Variants in SRPRB observed in about 807,000 individuals in gnomAD.
SRPRB encodes SRP receptor subunit beta.
Under a neutral mutation model 31.9 loss-of-function variants are expected in SRPRB, and 20 were observed. The observed-to-expected ratio is 0.63, with a 90% CI of 0.44 to 0.91. SRPRB has a LOEUF of 0.91. Ranked by LOEUF, SRPRB falls within the 40% of genes least tolerant of loss-of-function variation. The pLI is 0.00. For synonymous variants in SRPRB, 146 were observed against 132.8 expected (o/e 1.10, Z -0.68); for missense variants, 321 against 324.9 (o/e 0.99, Z 0.09).
rs537038629 is a variant in SRPRB at position 133,807,348 on chromosome 3, G to C, written c.250-398G>C. On this transcript the variant is annotated intron_variant, in intron 2 of 6. Coordinates refer to ENST00000678299, the MANE Select transcript of SRPRB (RefSeq NM_001379313.1). The stretch of plus-strand genomic sequence containing the variant: ...TGCTCATTGCAGCCTTGACCTCTGG[G>C]ACTCAGATGATTCTCCCACCTCAGC... Among the ~76,000 whole-genome samples the C allele has an allele frequency of 4.7e-5, 7 of 150,420 alleles. No individual in the cohort carries two copies. In the South Asian group the frequency reaches 1.5e-3, roughly 32 times the overall value.
At chr3:133,802,402 C>T (rs996609632), upstream of SRPRB, among the ~76,000 whole-genome samples, 3 of 151,782 alleles carry the variant, frequency 2.0e-5, no homozygotes, top group African/African-American at 7.3e-5. Context: ...TGAGACCCTG[C>T]CTGAAAAAAA....
rs754644006 is a variant in SRPRB, at chr3:133,807,870, T to C, written c.327+47T>C. 8.2e-6 allele frequency: 12 copies of C among 1,456,958 alleles called. No individual in the cohort carries two copies. In the African/African-American group the frequency reaches 1.7e-4, roughly 21 times the overall value. 90.3% of individuals were successfully genotyped at this position (1,456,958 alleles called of 1,614,324 possible). On this transcript the variant is annotated intron_variant, in intron 3 of 6. Coordinates refer to ENST00000678299, the MANE Select transcript of SRPRB (RefSeq NM_001379313.1). ...GGAGTCTGACAGTCTTACTTTACTG[T>C]GGTGTGTCAGTTAAGGACATTTTTA...
At chr3:133,809,815 T>C (rs906265006) in intron 3 of SRPRB, among the ~76,000 whole-genome samples, 6 of 152,206 alleles carry the variant, frequency 3.9e-5, no homozygotes, top group African/African-American at 1.4e-4. Context: ...TAAAAGATAA[T>C]ATTTTGGATA....
At chr3:133,807,855 A>C (rs201760908) in intron 3 of SRPRB, 32 bp downstream of exon 3, 1 of 1,547,388 alleles carries the variant, frequency 6.5e-7, no homozygotes, top group Admixed American at 1.8e-5. Flanking sequence ...GGAGTCTGAC[A>C]GTCTTACTTT....
rs1935159124 is a variant in SRPRB, at chr3:133,806,384, C to G, written c.155-225C>G. 2.0e-5 allele frequency among the ~76,000 whole-genome samples: 3 copies of G among 152,190 alleles called. No individual in the cohort carries two copies. In the South Asian group the frequency reaches 6.2e-4, roughly 32 times the overall value. On this transcript the variant is annotated intron_variant, in intron 1 of 6. Coordinates refer to ENST00000678299, the MANE Select transcript of SRPRB (RefSeq NM_001379313.1). ...GGATACCAAGGTAGTGAGATAGCAC[C>G]TGAGTCCCAGTCAGAGTAAGGACTG...
chr3:133,794,582 A>G (rs562852859), intron 1 of SRPRB: 17 of 152,348 alleles, frequency 1.1e-4, no homozygotes, highest in East Asian at 5.8e-4. Context: ...GTATCTTCTG[A>G]AAACATTGGA....
intron 1 of SRPRB, chr3:133,794,140 A>G (rs1231169863): frequency 6.6e-6 from 1 of 152,210 alleles, no homozygotes; most frequent in Non-Finnish European, 1.5e-5. Context: ...TTAATTAAGC[A>G]TGAACTCATG....
chr3:133,788,861 G>A (rs1232141587), intron 1 of SRPRB: 1 of 152,252 alleles, frequency 6.6e-6, no homozygotes, highest in African/African-American at 2.4e-5. Context: ...GACTGGCTAA[G>A]GACAAAAGAA....
At chr3:133,787,029 G>C (rs2107947342) in intron 1 of SRPRB, 1 of 152,276 alleles carries the variant, frequency 6.6e-6, no homozygotes, top group Admixed American at 6.5e-5. Flanking sequence ...AGAAATGGGA[G>C]GGAAGAAATT....
chr3:133,804,585 G>A (rs1935116555), upstream of SRPRB, among the ~76,000 whole-genome samples: 1 of 152,140 alleles, frequency 6.6e-6, no homozygotes, highest in Non-Finnish European at 1.5e-5. Flanking sequence ...CCTAACAGAT[G>A]TATTTTTTTG....
Position 133,807,812 on chromosome 3 carries a change from A to C in SRPRB, c.316A>C (p.Asn106His). 6.2e-7 allele frequency: 1 copy of C among 1,610,598 alleles called. No homozygotes were observed. The highest frequency in any genetic ancestry group is 8.5e-7 in the Non-Finnish European group (1 of 1,179,122). The change falls in exon 3 of 7, where the codon AAC (asparagine) becomes CAC (histidine). Residue 106 changes from asparagine to histidine, a missense_variant. Physicochemically the swap from Asn to His is moderately conservative, Grantham distance 68. Transcript: ENST00000678299. ...TGACAGCTGTGCTGTATACAGAGTC[A>C]ACAATAACAGGGTAAGATGTTTGTG... ...ITDSCAVYRVNNNRGNSLTLI... is the reference protein window; with the variant it reads ...ITDSCAVYRVHNNRGNSLTLI...
chr3:133,790,377 A>G (rs1375489744), intron 1 of SRPRB: 1 of 152,252 alleles, frequency 6.6e-6, no homozygotes, highest in Non-Finnish European at 1.5e-5. Flanking sequence ...TTCTGTATAC[A>G]AAACATGCCA....
chr3:133,801,479 C>G (rs1371297195), upstream of SRPRB, among the ~76,000 whole-genome samples: 1 of 152,178 alleles, frequency 6.6e-6, no homozygotes, highest in African/African-American at 2.4e-5. Context: ...AGGAAACATA[C>G]TGAAGAAAAA....
chr3:133,804,782 G>T (rs1458168366), upstream of SRPRB, among the ~76,000 whole-genome samples: 1 of 151,898 alleles, frequency 6.6e-6, no homozygotes, highest in Non-Finnish European at 1.5e-5. Flanking sequence ...CAATGGCAAT[G>T]TGGAACTGTA....
downstream of SRPRB, chr3:133,828,397 A>T: frequency 2.8e-6 from 1 of 356,400 alleles, no homozygotes; most frequent in Non-Finnish European, 5.1e-6. Flanking sequence ...AGGAAGGAGG[A>T]GGTGTGTGGA....
chr3:133,813,705 T>G (rs906893546), intron 4 of SRPRB, among the ~76,000 whole-genome samples: 2 of 152,246 alleles, frequency 1.3e-5, no homozygotes, highest in African/African-American at 4.8e-5. Flanking sequence ...TTATTCTCCC[T>G]CATAATTATT....
chr3:133,806,083 G>C, intron 1 of SRPRB, 81 bp downstream of exon 1: 1 of 1,536,098 alleles, frequency 6.5e-7, no homozygotes, highest in Non-Finnish European at 8.8e-7. Flanking sequence ...GGCCGGGGAC[G>C]CGGGGCTGAG....
Position 133,806,653 on chromosome 3 carries a change from G to C in SRPRB, c.199G>C (p.Val67Leu). The C allele has an allele frequency of 6.2e-7, 1 of 1,614,132 alleles. No individual in the cohort carries two copies. The highest frequency in any genetic ancestry group is 1.1e-5 in the South Asian group (1 of 91,080). ...IRSRRSSQRA[V>L]LLVGLCDSGK... ...GAGCAGAAGGAGCAGTCAGAGAGCT[G>C]TTCTTCTTGTTGGCCTTTGTGATTC... is the stretch of plus-strand genomic sequence containing the variant. Residue 67 changes from valine to leucine, a missense_variant, in exon 2 of 7, where the codon GTT becomes CTT. Physicochemically the swap from Val to Leu is conservative, Grantham distance 32. Transcript: ENST00000678299.
chr3:133,804,170 G>T (rs902298007), upstream of SRPRB, among the ~76,000 whole-genome samples: 3 of 151,372 alleles, frequency 2.0e-5, no homozygotes. Context: ...TGCCCAGGCT[G>T]GTCTTGAATT....
Sources: gnomAD v4.1 joint callset for allele counts (sites outside exome capture counted in the v4.1 genomes callset) on GRCh38, gnomAD v4.1.1 for gene constraint, MANE v1.5 for transcripts, NCBI Gene and HGNC (gene_info 2026-07-23, HGNC 2026-07-21) for gene names.